AGAP1: variants seen among roughly 807,000 people sequenced by gnomAD.
The protein encoded by AGAP1 is arf-GAP with GTPase, ANK repeat and PH domain-containing protein 1.
Under a neutral mutation model 105.3 loss-of-function variants are expected in AGAP1, and 29 were observed. The observed-to-expected ratio is 0.28, with a 90% CI of 0.21 to 0.38. The LOEUF is 0.38. Among genes scored for constraint, AGAP1 ranks in the 10% least tolerant of loss-of-function variants. The pLI is 1.00. For synonymous variants in AGAP1, 509 were observed against 485.9 expected (o/e 1.05, Z -0.63); for missense variants, 998 against 1,165.1 (o/e 0.86, Z 2.09).
Position 236,121,341 on chromosome 2 carries a change from C to A in AGAP1, c.2370+894C>A, listed in dbSNP as rs2059891289. On this transcript the variant is annotated intron_variant, in intron 17 of 17. Coordinates refer to ENST00000304032, the MANE Select transcript of AGAP1 (RefSeq NM_001037131.3). This position sits in a 1 kb window ranked among gnomAD's most constrained non-coding sequence, Gnocchi z 4.9. Reference sequence around the variant, plus strand: ...TTTGAGACAGAGTCTCGCTCTGTCACCCAGGCTGGAGTGCAGTGGTGCGAT... The same window carrying A: ...TTTGAGACAGAGTCTCGCTCTGTCAACCAGGCTGGAGTGCAGTGGTGCGAT... Among the ~76,000 whole-genome samples, 1 of 152,178 alleles carries A rather than the reference C, an allele frequency of 6.6e-6. No homozygotes were observed. Among genetic ancestry groups the A allele is most frequent in the African/African-American group, 2.4e-5 (1 of 41,446 alleles).
rs954517878 is a variant in AGAP1 at position 235,971,556 on chromosome 2, G to A, written c.1645+2933G>A. ...TCTACTAAAAATACAAAAATTAGCT[G>A]GGCATGGTGGCAGGTCCCAGCTACT... On this transcript the variant is annotated intron_variant, in intron 13 of 17. Coordinates refer to ENST00000304032, the MANE Select transcript of AGAP1 (RefSeq NM_001037131.3). This position sits in a 1 kb window ranked among gnomAD's most constrained non-coding sequence, Gnocchi z 4.8. Among the ~76,000 whole-genome samples, 7 of 151,940 alleles carry A rather than the reference G, an allele frequency of 4.6e-5. No homozygotes were observed. Among genetic ancestry groups the A allele is most frequent in the African/African-American group, 7.2e-5 (3 of 41,410 alleles).
chr2:235,606,429 G>A (rs953190720), intron 1 of AGAP1, among the ~76,000 whole-genome samples: 3 of 152,172 alleles, frequency 2.0e-5, no homozygotes, highest in African/African-American at 4.8e-5. Flanking sequence ...TGAGTTACTC[G>A]ATTCAGAGAC....
intron 6 of AGAP1, among the ~76,000 whole-genome samples, chr2:235,756,764 T>G (rs959301310): frequency 1.3e-5 from 2 of 152,154 alleles, no homozygotes; most frequent in Non-Finnish European, 2.9e-5. Flanking sequence ...AGCCCTGTTG[T>G]GAACTGTGCA....
intron 2 of AGAP1, among the ~76,000 whole-genome samples, chr2:235,713,712 G>A (rs564897396): frequency 5.1e-4 from 77 of 152,300 alleles, no homozygotes; most frequent in Middle Eastern, 3.4e-3. Context: ...AGGTGTCTTC[G>A]TCTCTTCTGG....
chr2:235,922,988 A>G (rs1043932362), intron 11 of AGAP1, among the ~76,000 whole-genome samples: 3 of 152,208 alleles, frequency 2.0e-5, no homozygotes, highest in Non-Finnish European at 4.4e-5. Context: ...CTCAGTAAGC[A>G]CACACACATA....
At chr2:236,029,514 G>T (rs182236659) in intron 13 of AGAP1, among the ~76,000 whole-genome samples, 3 of 151,166 alleles carry the variant, frequency 2.0e-5, no homozygotes, top group South Asian at 2.1e-4. Flanking sequence ...TTGAACTCCT[G>T]ACCTCAGATG....
At chr2:235,518,462 G>C (rs1942485298) in intron 1 of AGAP1, among the ~76,000 whole-genome samples, 1 of 152,186 alleles carries the variant, frequency 6.6e-6, no homozygotes, top group Non-Finnish European at 1.5e-5. Context: ...GATGATGCGT[G>C]TGCCCCACCC....
chr2:235,975,813 A>G (rs2054836559), intron 13 of AGAP1, among the ~76,000 whole-genome samples: 1 of 152,136 alleles, frequency 6.6e-6, no homozygotes, highest in Admixed American at 6.5e-5. Flanking sequence ...CTTGTTTAAC[A>G]TTGGCAGCTA....
At chr2:236,115,157 C>A (rs1304803759) in intron 16 of AGAP1, among the ~76,000 whole-genome samples, 3 of 152,230 alleles carry the variant, frequency 2.0e-5, no homozygotes. Flanking sequence ...CCCACACGTG[C>A]CGCTTCCACG....
chr2:235,922,000 A>G (rs1296845968), intron 11 of AGAP1, among the ~76,000 whole-genome samples: 2 of 152,218 alleles, frequency 1.3e-5, no homozygotes, highest in Non-Finnish European at 2.9e-5. Context: ...AGAGGACAGA[A>G]CAGATGGCGA....
chr2:235,686,665 A>ATTTTTTTTT (rs1200927776), intron 1 of AGAP1, among the ~76,000 whole-genome samples: 4 of 77,502 alleles, frequency 5.2e-5, no homozygotes, highest in African/African-American at 2.6e-4. Context: ...ATATATATAT[A>ATTTTTTTTT]TTTTTTTTTT....
chr2:235,619,795 T>C lies in AGAP1; in HGVS notation c.164-89384T>C, dbSNP rs187585482. Among the ~76,000 whole-genome samples the C allele has an allele frequency of 3.2e-3, 481 of 152,332 alleles. 3 individuals are homozygous for C. Among genetic ancestry groups the C allele is most frequent in the South Asian group, 4.1e-3 (20 of 4,832 alleles). On this transcript the variant is annotated intron_variant, in intron 1 of 17. Coordinates refer to ENST00000304032, the MANE Select transcript of AGAP1 (RefSeq NM_001037131.3). ...CTGCACATTGTCCCAGCAGCTCAAG[T>C]GTCTACCTCCTCTGATAGCACAGGT...
chr2:236,041,579 T>A lies in AGAP1; in HGVS notation c.1891+738T>A, dbSNP rs570101542. ...TCTTGAGAGTAGGGACTTATTTTCATGGTTGCAGTCCCAGCCCAGAGACAG... is the reference window on the plus strand; with the variant it reads ...TCTTGAGAGTAGGGACTTATTTTCAAGGTTGCAGTCCCAGCCCAGAGACAG... On this transcript the variant is annotated intron_variant, in intron 15 of 17. Transcript: ENST00000304032. Among the ~76,000 whole-genome samples, 5 of 152,338 alleles carry A rather than the reference T, an allele frequency of 3.3e-5. No individual in the cohort carries two copies. In the East Asian group the frequency reaches 9.6e-4, roughly 29 times the overall value.
rs3768930 is a variant in AGAP1 at position 236,089,050 on chromosome 2, G to T, written c.2115-31142G>T. On this transcript the variant is annotated intron_variant, in intron 16 of 17. Transcript: ENST00000304032. This position sits in a 1 kb window ranked among gnomAD's most constrained non-coding sequence, Gnocchi z 5.6. ...AGAAGGTAGAAGGTACATCACCACCGTCCATCACGTGAAGGAGTAGAAAAA... is the reference window on the plus strand; with the variant it reads ...AGAAGGTAGAAGGTACATCACCACCTTCCATCACGTGAAGGAGTAGAAAAA... 6.6e-6 allele frequency among the ~76,000 whole-genome samples: 1 copy of T among 152,092 alleles called. No homozygotes were observed. Among genetic ancestry groups the T allele is most frequent in the Non-Finnish European group, 1.5e-5 (1 of 68,030 alleles).
At chr2:236,004,256 A>G (rs1013892406) in intron 13 of AGAP1, among the ~76,000 whole-genome samples, 1 of 152,134 alleles carries the variant, frequency 6.6e-6, no homozygotes, top group African/African-American at 2.4e-5. Context: ...TGCCTCGGTG[A>G]ATTTCACAAA....
At chr2:235,579,835 C>T (rs148483647) in intron 1 of AGAP1, among the ~76,000 whole-genome samples, 11 of 152,158 alleles carry the variant, frequency 7.2e-5, no homozygotes, top group Admixed American at 3.9e-4. Flanking sequence ...TAACCACCCA[C>T]CCGTCTAGTT....
Position 235,690,830 on chromosome 2 carries a change from G to A in AGAP1, c.164-18349G>A, listed in dbSNP as rs574272743. ...TTTATTTATTTTTTTCTCCAGTCTA[G>A]TCATAGTATTGGTTTCGAGAAGTCA... On this transcript the variant is annotated intron_variant, in intron 1 of 17. Coordinates refer to ENST00000304032, the MANE Select transcript of AGAP1 (RefSeq NM_001037131.3). This position sits in a 1 kb window ranked among gnomAD's most constrained non-coding sequence, Gnocchi z 4.1. 1.3e-5 allele frequency among the ~76,000 whole-genome samples: 2 copies of A among 152,124 alleles called. No homozygotes were observed. The highest frequency in any genetic ancestry group is 2.4e-5 in the African/African-American group (1 of 41,412).
chr2:235,668,560 T>C (rs1948207673), intron 1 of AGAP1, among the ~76,000 whole-genome samples: 1 of 152,210 alleles, frequency 6.6e-6, no homozygotes, highest in Non-Finnish European at 1.5e-5. Context: ...GACATTGTAT[T>C]TTTCCTTCTG....
chr2:235,539,689 C>G (rs1943370256), intron 1 of AGAP1, among the ~76,000 whole-genome samples: 1 of 152,106 alleles, frequency 6.6e-6, no homozygotes. Flanking sequence ...CAACTCACCT[C>G]TCTTTTATCA....
Sources: allele counts gnomAD v4.1 joint callset (sites outside exome capture counted in the v4.1 genomes callset), GRCh38; gene constraint gnomAD v4.1.1; non-coding constraint Gnocchi (gnomAD v3.1); transcripts MANE v1.5; gene names NCBI Gene and HGNC (gene_info 2026-07-23, HGNC 2026-07-21).